Variants in NCAM1 observed in about 807,000 individuals in gnomAD.
NCAM1 encodes neural cell adhesion molecule 1.
NCAM1 carries 14 observed loss-of-function variants against 109.8 expected under a neutral mutation model. The ratio of observed to expected loss-of-function variants is 0.13; its 90% CI spans 0.08 to 0.20. The LOEUF (loss-of-function observed/expected upper bound fraction) is 0.20. Among genes scored for constraint, NCAM1 ranks in the 10% least tolerant of loss-of-function variants. The pLI is 1.00. For missense variants in NCAM1, 774 were observed against 1,109.9 expected (o/e 0.70, Z 4.30); for synonymous variants, 418 against 442.9 (o/e 0.94, Z 0.70).
At chr11:113,182,972 G>A (rs1555108222) in intron 1 of NCAM1, among the ~76,000 whole-genome samples, 1 of 152,230 alleles carries the variant, frequency 6.6e-6, no homozygotes, top group African/African-American at 2.4e-5. Flanking sequence ...GAAGAAAAAT[G>A]AGAAAATTGG....
intron 1 of NCAM1, among the ~76,000 whole-genome samples, chr11:113,057,844 A>G (rs149773682): frequency 6.6e-6 from 1 of 152,338 alleles, no homozygotes; most frequent in Non-Finnish European, 1.5e-5. Context: ...CAAGGTGAAG[A>G]TTGCTGTTCA....
At chr11:113,078,069 C>T (rs1344014374) in intron 1 of NCAM1, among the ~76,000 whole-genome samples, 1 of 152,104 alleles carries the variant, frequency 6.6e-6, no homozygotes, top group Non-Finnish European at 1.5e-5. Flanking sequence ...ATCTTGGTGG[C>T]TTAAAACAAC....
chr11:113,178,951 A>C (rs549129494), intron 1 of NCAM1, among the ~76,000 whole-genome samples: 1 of 152,228 alleles, frequency 6.6e-6, no homozygotes, highest in African/African-American at 2.4e-5. Context: ...AGAGCCCAGG[A>C]CTAGGACTTG....
chr11:113,144,959 A>G (rs541420860), intron 1 of NCAM1, among the ~76,000 whole-genome samples: 152 of 152,348 alleles, frequency 1.0e-3, no homozygotes, highest in African/African-American at 3.5e-3. Context: ...AAGACTCATT[A>G]TGTTATGTCA....
intron 1 of NCAM1, among the ~76,000 whole-genome samples, chr11:113,075,872 A>C (rs1938502194): frequency 6.6e-6 from 1 of 152,244 alleles, no homozygotes; most frequent in South Asian, 2.1e-4. Flanking sequence ...AGTGCTGTTT[A>C]AATGCTTGTC....
At chr11:113,113,180 G>A (rs1007071054) in intron 1 of NCAM1, among the ~76,000 whole-genome samples, 1 of 152,110 alleles carries the variant, frequency 6.6e-6, no homozygotes, top group East Asian at 1.9e-4. Flanking sequence ...ATTAGCTACC[G>A]TGTTTCATAT....
In NCAM1 at chr11:113,232,467, G is replaced by A. The variant is rs1198956552; in HGVS notation, c.1425+113G>A. On this transcript the variant is annotated intron_variant, in intron 11 of 19. Transcript: ENST00000316851. ...GCTTCTCTGGCACATCCTGAGCAGG[G>A]AAGGCATGGGCTAGAGAAGACACTG... 23 of 1,151,216 alleles carry A rather than the reference G, an allele frequency of 2.0e-5. No individual in the cohort carries two copies. In the African/African-American group the frequency reaches 3.6e-4, roughly 18 times the overall value. 71.3% of individuals were successfully genotyped at this position (1,151,216 alleles called of 1,614,324 possible).
At position 113,074,558 on chromosome 11, in the gene NCAM1, C is replaced by G. The variant is rs146631582; in HGVS notation, c.52+112894C>G. Among the ~76,000 whole-genome samples, 535 of 152,226 alleles carry G rather than the reference C, an allele frequency of 3.5e-3. 1 individual carries two copies. Among genetic ancestry groups the G allele is most frequent in the Non-Finnish European group, 6.0e-3 (409 of 68,014 alleles). On this transcript the variant is annotated intron_variant, in intron 1 of 19. Coordinates refer to ENST00000316851, the MANE Select transcript of NCAM1 (RefSeq NM_181351.5). Reference sequence around the variant, plus strand: ...GTATTTATGCTGCCAATATGGTAACCCTTGTCACATGTGGCTTTTGAACAC... The same window carrying G: ...GTATTTATGCTGCCAATATGGTAACGCTTGTCACATGTGGCTTTTGAACAC...
chr11:112,964,096 A>G (rs1950651359), intron 1 of NCAM1, among the ~76,000 whole-genome samples: 1 of 151,590 alleles, frequency 6.6e-6, no homozygotes, highest in Non-Finnish European at 1.5e-5. Flanking sequence ...AAACATAACA[A>G]CAAGTATATA....
chr11:113,075,924 T>C (rs567143193), intron 1 of NCAM1, among the ~76,000 whole-genome samples: 1 of 152,354 alleles, frequency 6.6e-6, no homozygotes, highest in Non-Finnish European at 1.5e-5. Flanking sequence ...CTGTTTTTTG[T>C]ATCCATTCAC....
At chr11:113,144,828 A>G (rs1941955822) in intron 1 of NCAM1, among the ~76,000 whole-genome samples, 1 of 152,248 alleles carries the variant, frequency 6.6e-6, no homozygotes, top group African/African-American at 2.4e-5. Flanking sequence ...GTATGTAAAG[A>G]GCCTGGGGCA....
intron 1 of NCAM1, among the ~76,000 whole-genome samples, chr11:113,155,891 G>A (rs1942394386): frequency 6.6e-6 from 1 of 151,928 alleles, no homozygotes; most frequent in Non-Finnish European, 1.5e-5. Context: ...CCCTCAACTT[G>A]CTGATGGAGA....
chr11:113,170,746 G>A (rs1591384430), intron 1 of NCAM1, among the ~76,000 whole-genome samples: 1 of 152,090 alleles, frequency 6.6e-6, no homozygotes, highest in African/African-American at 2.4e-5. Flanking sequence ...AGGGCAAAAA[G>A]GTGTTTCTCT....
intron 1 of NCAM1, among the ~76,000 whole-genome samples, chr11:113,192,711 C>T (rs1943721989): frequency 6.6e-6 from 1 of 152,128 alleles, no homozygotes; most frequent in Non-Finnish European, 1.5e-5. Flanking sequence ...CAATAGAAAG[C>T]CCTGGGTCAA....
intron 1 of NCAM1, among the ~76,000 whole-genome samples, chr11:113,073,218 CA>C (rs1938368472): frequency 6.6e-6 from 1 of 152,024 alleles, no homozygotes; most frequent in Non-Finnish European, 1.5e-5. Flanking sequence ...ATGTATAGGC[CA>C]CATTTTTTTT....
chr11:113,070,953 T>G (rs1430943916), intron 1 of NCAM1, among the ~76,000 whole-genome samples: 1 of 152,164 alleles, frequency 6.6e-6, no homozygotes, highest in Non-Finnish European at 1.5e-5. Context: ...ATCATTTATT[T>G]TTCTTCTGCA....
chr11:113,224,820 C>G (rs939343116), intron 9 of NCAM1, among the ~76,000 whole-genome samples: 2 of 152,226 alleles, frequency 1.3e-5, no homozygotes, highest in South Asian at 4.1e-4. Context: ...CCCAGGCAAA[C>G]AGGGTCTGGA....
At chr11:113,059,732 T>C (rs563041353) in intron 1 of NCAM1, among the ~76,000 whole-genome samples, 1 of 152,294 alleles carries the variant, frequency 6.6e-6, no homozygotes, top group South Asian at 2.1e-4. Flanking sequence ...CGCCTCTTGA[T>C]GGCAACACCA....
chr11:113,001,067 G>A (rs1951742620), intron 1 of NCAM1, among the ~76,000 whole-genome samples: 1 of 152,062 alleles, frequency 6.6e-6, no homozygotes, highest in South Asian at 2.1e-4. Flanking sequence ...CTAGAGGTGA[G>A]AGAATCCGTG....
Sources: allele counts gnomAD v4.1 joint callset (sites outside exome capture counted in the v4.1 genomes callset), GRCh38; gene constraint gnomAD v4.1.1; transcripts MANE v1.5; gene names NCBI Gene and HGNC (gene_info 2026-07-23, HGNC 2026-07-21).